The following F13B variants were observed in gnomAD, a reference collection of about 807,000 sequenced individuals.
F13B encodes the protein TGase.
In F13B, 58 loss-of-function variants were observed where a neutral mutation model predicts 79.8. The ratio of observed to expected loss-of-function variants is 0.73; its 90% confidence interval spans 0.59 to 0.90. The LOEUF (loss-of-function observed/expected upper bound fraction) is 0.90. Ranked by LOEUF, F13B falls within the 40% of genes least tolerant of loss-of-function variation. The pLI, the probability that F13B is intolerant of heterozygous loss-of-function variation, is 0.00. For synonymous variants in F13B, 283 were observed against 260.3 expected (o/e 1.09, Z -0.84); for missense variants, 773 against 777.0 (o/e 0.99, Z 0.06).
At chr1:197,049,860 C>T (rs967920399) in intron 10 of F13B, among the ~76,000 whole-genome samples, 1 of 152,018 alleles carries the variant, frequency 6.6e-6, no homozygotes, top group African/African-American at 2.4e-5. Flanking sequence ...TAGAATCATG[C>T]TTTAACATTC....
At chr1:197,063,225 A>G (rs891373917) in intron 1 of F13B, among the ~76,000 whole-genome samples, 168 bp from the exon 2 acceptor site, 1 of 152,208 alleles carries the variant, frequency 6.6e-6, no homozygotes, top group African/African-American at 2.4e-5. Context: ...CAGTCCTTTT[A>G]TCATAATTGA....
Position 197,057,362 on chromosome 1 carries a change from T to G in F13B, c.909A>C (p.Glu303Asp), listed in dbSNP as rs1383889139. The G allele has an allele frequency of 6.2e-7, 1 of 1,613,994 alleles. No individual in the cohort carries two copies. Among genetic ancestry groups the G allele is most frequent in the South Asian group, 1.1e-5 (1 of 91,082 alleles). Reference sequence around the variant, plus strand: ...CTGACCCATGGATCTCAAAATTAAGTTCACATTCTATATGAACTATTTCTC... The same window carrying G: ...CTGACCCATGGATCTCAAAATTAAGGTCACATTCTATATGAACTATTTCTC... ...RHGEIVHIEC[E>D]LNFEIHGSAE... The change falls in exon 6 of 12, where the codon GAA (glutamate) becomes GAC (aspartate). Residue 303 changes from glutamate to aspartate, a missense_variant. By Grantham distance (45) the Glu-to-Asp change is conservative. Transcript: ENST00000367412.
intron 3 of F13B, among the ~76,000 whole-genome samples, chr1:197,061,477 T>G (rs544566169): frequency 6.6e-6 from 1 of 152,258 alleles, no homozygotes; most frequent in East Asian, 1.9e-4. Flanking sequence ...GTACATGATC[T>G]TAAATTCTTC....
rs1157757935 is a variant in F13B, at chr1:197,039,180, C to T, written c.*198G>A. 1 of 553,990 alleles carries T rather than the reference C, an allele frequency of 1.8e-6. No homozygotes were observed. Among genetic ancestry groups the T allele is most frequent in the Non-Finnish European group, 3.2e-6 (1 of 313,386 alleles). The allele number at this position is 553,990 out of a possible 1,614,324, so 34.3% of individuals were successfully genotyped here. On this transcript the variant is annotated 3_prime_UTR_variant, in exon 12 of 12. Transcript: ENST00000367412. Reference sequence around the variant, plus strand: ...GACATACAAAAGAGATTAAGTTCTACATCAAATCATACAAACTAAAAATTA... The same window carrying T: ...GACATACAAAAGAGATTAAGTTCTATATCAAATCATACAAACTAAAAATTA...
chr1:197,061,824 A>C lies in F13B; in HGVS notation c.411T>G (p.Ser137=), dbSNP rs752818759. The change falls in exon 3 of 12, where the codon TCT becomes TCG. Residue 137 remains serine, a synonymous_variant. Transcript: ENST00000367412. ...GKDEEVVQCL[S]DGWSSQPTCR... The stretch of plus-strand genomic sequence containing the variant: ...AGGTTGGTTGAGAAGACCATCCATC[A>C]GAGAGACATTGAACCACTTCTTCAT... 20 of 1,613,478 alleles carry C rather than the reference A, an allele frequency of 1.2e-5. No individual in the cohort carries two copies. Among genetic ancestry groups the C allele is most frequent in the Middle Eastern group, 3.3e-4 (2 of 6,052 alleles).
chr1:197,055,756 C>A lies in F13B; in HGVS notation c.1313G>T (p.Arg438Leu). ...GGATGACCATTTTCCTTGTTCGCAA[C>A]GAGATATTTTTGATCCCCTCAGTAA... ...YYLLRGSKIS[R>L]CEQGKWSSPP... The change falls in exon 8 of 12, where the codon CGT becomes CTT. Residue 438 changes from arginine to leucine, a missense_variant. Physicochemically the swap from Arg to Leu is moderately radical, Grantham distance 102. Coordinates refer to ENST00000367412, the MANE Select transcript of F13B (RefSeq NM_001994.3). 1 of 1,613,526 alleles carries A rather than the reference C, an allele frequency of 6.2e-7. No individual in the cohort carries two copies. Among genetic ancestry groups the A allele is most frequent in the Non-Finnish European group, 8.5e-7 (1 of 1,179,702 alleles).
chr1:197,060,667 T>C (rs1655819443), intron 4 of F13B, 125 bp from the exon 5 acceptor site: 1 of 760,444 alleles, frequency 1.3e-6, no homozygotes, highest in African/African-American at 1.8e-5. Context: ...ATGAATTCAT[T>C]TTATATATTT....
rs371988090 is a variant in F13B, at chr1:197,052,763, C to A, written c.1426G>T (p.Val476Phe). ...AAATCTATTAAATCTCCATGTAAGA[C>A]TTTCCCTTCATATTTCCACTTCATT... ...IEMKWKYEGK[V>F]LHGDLIDFVC... Residue 476 changes from valine (V) to phenylalanine (F), a missense_variant, in exon 9 of 12, where the codon GTC becomes TTC. By Grantham distance (50) the Val-to-Phe change is conservative (BLOSUM62 -1). Transcript: ENST00000367412. 1.2e-6 allele frequency: 2 copies of A among 1,609,916 alleles called. No individual in the cohort carries two copies. The highest frequency in any genetic ancestry group is 1.7e-6 in the Non-Finnish European group (2 of 1,177,528).
chr1:197,043,534 A>G (rs1398334338), intron 10 of F13B, among the ~76,000 whole-genome samples: 3 of 152,256 alleles, frequency 2.0e-5, no homozygotes, highest in Non-Finnish European at 4.4e-5. Context: ...TATATGTTCA[A>G]GAAGTTGATG....
At chr1:197,054,084 A>C (rs1655552177) in intron 8 of F13B, among the ~76,000 whole-genome samples, 1 of 152,120 alleles carries the variant, frequency 6.6e-6, no homozygotes, top group Non-Finnish European at 1.5e-5. Context: ...AATAGTTACC[A>C]AGATATACAA....
chr1:197,046,630 T>A (rs533505333), intron 10 of F13B, among the ~76,000 whole-genome samples: 52 of 152,206 alleles, frequency 3.4e-4, no homozygotes, highest in African/African-American at 1.1e-3. Context: ...CAAACTACCA[T>A]TGACTTTCTT....
chr1:197,059,930 G>A (rs1425135640), intron 5 of F13B, among the ~76,000 whole-genome samples: 1 of 151,788 alleles, frequency 6.6e-6, no homozygotes, highest in Non-Finnish European at 1.5e-5. Context: ...TTCACTTCTG[G>A]GCATTATTCT....
intron 1 of F13B, among the ~76,000 whole-genome samples, chr1:197,065,357 T>C (rs1232373820): frequency 6.6e-6 from 1 of 152,074 alleles, no homozygotes; most frequent in Non-Finnish European, 1.5e-5. Flanking sequence ...TAATGAGAAA[T>C]GTGAGGAATA....
At chr1:197,043,976 G>A (rs1003096140) in intron 10 of F13B, among the ~76,000 whole-genome samples, 6 of 151,914 alleles carry the variant, frequency 3.9e-5, no homozygotes, top group African/African-American at 1.5e-4. Context: ...GTCTCATTGT[G>A]TTGCACTGAT....
chr1:197,058,072 T>C (rs1655714502), intron 5 of F13B, among the ~76,000 whole-genome samples: 1 of 152,126 alleles, frequency 6.6e-6, no homozygotes, highest in Non-Finnish European at 1.5e-5. Context: ...GGGAAATAAT[T>C]TCTTTGTGTT....
Position 197,066,141 on chromosome 1 carries a change from A to G in F13B, c.64+1019T>C, listed in dbSNP as rs1389268873. Among the ~76,000 whole-genome samples, 5 of 152,288 alleles carry G rather than the reference A, an allele frequency of 3.3e-5. No individual in the cohort carries two copies. In the East Asian group the frequency reaches 9.6e-4, roughly 29 times the overall value. On this transcript the variant is annotated intron_variant, in intron 1 of 11. Transcript: ENST00000367412. ...TTAGACAGAAAAATAAAATCAAAAG[A>G]AATTCATGCAAAAATCATCCTATTA...
At chr1:197,041,217 C>A (rs1571547730) in intron 10 of F13B, among the ~76,000 whole-genome samples, 1 of 152,044 alleles carries the variant, frequency 6.6e-6, no homozygotes, top group East Asian at 1.9e-4. Flanking sequence ...AGCTTTATAA[C>A]CTCATGCCAT....
chr1:197,064,289 C>T (rs1655972280), intron 1 of F13B, among the ~76,000 whole-genome samples: 1 of 151,628 alleles, frequency 6.6e-6, no homozygotes, highest in Admixed American at 6.6e-5. Flanking sequence ...ACCATATTAC[C>T]CAATAAAAAA....
intron 7 of F13B, 42 bp from the exon 8 acceptor site, chr1:197,055,939 C>T: frequency 6.8e-7 from 1 of 1,468,758 alleles, no homozygotes; most frequent in Non-Finnish European, 9.5e-7. Flanking sequence ...GAGCTCATAA[C>T]AATATACTAT....
Sources: gnomAD v4.1 joint callset for allele counts (sites outside exome capture counted in the v4.1 genomes callset) on GRCh38, gnomAD v4.1.1 for gene constraint, MANE v1.5 for transcripts, NCBI Gene and HGNC (gene_info 2026-07-23, HGNC 2026-07-21) for gene names.